BMPR1B: variants seen among roughly 807,000 people sequenced by gnomAD.
BMPR1B encodes bone morphogenetic protein receptor type 1B, also known as bone morphogenetic protein receptor type-1B.
A neutral mutation model predicts 59.1 loss-of-function variants in BMPR1B; 12 were observed. The observed-to-expected ratio is 0.20, with a 90% CI of 0.13 to 0.33. The LOEUF (loss-of-function observed/expected upper bound fraction) is 0.33, where lower values mean the gene tolerates loss of function less well. BMPR1B is among the 10% of genes least tolerant of loss of function. The pLI, the probability that BMPR1B is intolerant of heterozygous loss-of-function variation, is 1.00. For missense variants in BMPR1B, 550 were observed against 610.9 expected (o/e 0.90, Z 1.05); for synonymous variants, 237 against 207.3 (o/e 1.14, Z -1.23).
intron 3 of BMPR1B, among the ~76,000 whole-genome samples, chr4:95,056,916 G>A (rs1044285330): frequency 6.6e-6 from 1 of 152,192 alleles, no homozygotes; most frequent in South Asian, 2.1e-4. Flanking sequence ...ATTTGCATAA[G>A]TGCCATTTAG....
At chr4:95,030,675 C>A (rs573628046) in intron 3 of BMPR1B, among the ~76,000 whole-genome samples, 1 of 152,222 alleles carries the variant, frequency 6.6e-6, no homozygotes, top group African/African-American at 2.4e-5. Flanking sequence ...AGCAAAGTCT[C>A]CAGATACAAA....
At chr4:94,795,003 C>T (rs879533797) in intron 1 of BMPR1B, among the ~76,000 whole-genome samples, 3,874 of 142,586 alleles carry the variant, frequency 0.027, no homozygotes, top group Non-Finnish European at 0.042. Flanking sequence ...TAATTGAATA[C>T]CCTTTATTTC....
chr4:94,974,374 TC>T (rs1376622419), intron 2 of BMPR1B, among the ~76,000 whole-genome samples: 1 of 149,778 alleles, frequency 6.7e-6, no homozygotes, highest in African/African-American at 2.5e-5. Context: ...TCATTTTTTT[TC>T]ATGCTGAATC....
chr4:94,836,743 A>G lies in BMPR1B; in HGVS notation c.-182-39088A>G, dbSNP rs377718270. On this transcript the variant is annotated intron_variant, in intron 1 of 12. Transcript: ENST00000515059. ...CTCTGATGGTAGTTTCTTTTGCTGTACAGAAGCTCTTTATTTTAATTAGAT... is the reference window on the plus strand; with the variant it reads ...CTCTGATGGTAGTTTCTTTTGCTGTGCAGAAGCTCTTTATTTTAATTAGAT... Among the ~76,000 whole-genome samples, 28 of 147,218 alleles carry G rather than the reference A, an allele frequency of 1.9e-4. 2 individuals carry two copies. Among genetic ancestry groups the G allele is most frequent in the Middle Eastern group, 7.0e-3 (2 of 284 alleles).
intron 6 of BMPR1B, among the ~76,000 whole-genome samples, chr4:95,120,717 T>C (rs113314461): frequency 7.5e-5 from 11 of 146,230 alleles, no homozygotes; most frequent in Non-Finnish European, 7.5e-5. Flanking sequence ...CTCTCTCTCT[T>C]TCTCTCTCTC....
intron 2 of BMPR1B, among the ~76,000 whole-genome samples, chr4:94,891,812 A>G (rs928005613): frequency 1.3e-5 from 2 of 152,084 alleles, no homozygotes; most frequent in Non-Finnish European, 2.9e-5. Flanking sequence ...TTCATGCTTT[A>G]CAGAGAAAGA....
At chr4:95,101,342 G>A (rs543438250) in intron 3 of BMPR1B, among the ~76,000 whole-genome samples, 7 of 152,128 alleles carry the variant, frequency 4.6e-5, no homozygotes, top group African/African-American at 1.7e-4. Flanking sequence ...GAAAAGTAAA[G>A]AAGGCATCTC....
chr4:94,811,132 G>C (rs924892281), intron 1 of BMPR1B, among the ~76,000 whole-genome samples: 2 of 152,184 alleles, frequency 1.3e-5, no homozygotes, highest in Non-Finnish European at 2.9e-5. Context: ...ATCTCAAAAT[G>C]TGTAGTGCTC....
chr4:94,913,598 T>C (rs1277959984), intron 2 of BMPR1B, among the ~76,000 whole-genome samples: 1 of 152,110 alleles, frequency 6.6e-6, no homozygotes, highest in Non-Finnish European at 1.5e-5. Context: ...GAAGGTGATT[T>C]CTGGTCATTG....
chr4:94,990,050 T>G (rs111504290), intron 2 of BMPR1B, among the ~76,000 whole-genome samples: 262 of 152,310 alleles, frequency 1.7e-3, no homozygotes, highest in African/African-American at 6.1e-3. Context: ...TGGTATTTAC[T>G]CAAGAGTAAC....
At chr4:94,848,060 G>A (rs1725410316) in intron 1 of BMPR1B, among the ~76,000 whole-genome samples, 1 of 151,944 alleles carries the variant, frequency 6.6e-6, no homozygotes, top group Non-Finnish European at 1.5e-5. Context: ...CCTAATATGT[G>A]CCTACAAAAA....
chr4:94,988,799 A>G (rs1721563105), intron 2 of BMPR1B, among the ~76,000 whole-genome samples: 1 of 152,138 alleles, frequency 6.6e-6, no homozygotes, highest in Non-Finnish European at 1.5e-5. Flanking sequence ...AGTTAAAGGT[A>G]AGTGAGTCTG....
chr4:95,010,550 CATTTCAAAGG>C (rs1723147603), intron 3 of BMPR1B, among the ~76,000 whole-genome samples: 1 of 152,114 alleles, frequency 6.6e-6, no homozygotes, highest in Non-Finnish European at 1.5e-5. Context: ...AGTAGTATTG[CATTTCAAAGG>C]AAATGGAGCT....
At chr4:94,895,237 A>G (rs770130906) in intron 2 of BMPR1B, among the ~76,000 whole-genome samples, 7 of 151,986 alleles carry the variant, frequency 4.6e-5, no homozygotes, top group Non-Finnish European at 8.8e-5. Context: ...TGGTGCTTTA[A>G]GACGTGTTTA....
chr4:94,859,586 T>C (rs1725898704), intron 1 of BMPR1B, among the ~76,000 whole-genome samples: 2 of 152,170 alleles, frequency 1.3e-5, no homozygotes, highest in Non-Finnish European at 2.9e-5. Context: ...CTGGAATCCT[T>C]ATATGGTCAA....
chr4:95,144,788 A>G (rs1348999806), intron 10 of BMPR1B, among the ~76,000 whole-genome samples: 1 of 152,212 alleles, frequency 6.6e-6, no homozygotes, highest in Non-Finnish European at 1.5e-5. Context: ...CATGGGAAAG[A>G]AGAAGAGAGA....
chr4:94,878,021 TA>T (rs201117995), intron 2 of BMPR1B, among the ~76,000 whole-genome samples: 2,298 of 152,218 alleles, frequency 0.015, 43 homozygotes, highest in East Asian at 0.083. Flanking sequence ...AATGGTCTTA[TA>T]AAAAAAATTT....
chr4:94,800,825 G>A (rs188835491), intron 1 of BMPR1B, among the ~76,000 whole-genome samples: 125 of 152,240 alleles, frequency 8.2e-4, no homozygotes, highest in South Asian at 1.5e-3. Flanking sequence ...TGTCCTCAAG[G>A]AACTTTTGAT....
chr4:94,899,117 C>T (rs188699006), intron 2 of BMPR1B, among the ~76,000 whole-genome samples: 301 of 151,972 alleles, frequency 2.0e-3, no homozygotes, highest in Non-Finnish European at 3.0e-3. Flanking sequence ...TGGTTTGCAT[C>T]GGTCTAGTCT....
Sources: allele counts gnomAD v4.1 joint callset (sites outside exome capture counted in the v4.1 genomes callset), GRCh38; gene constraint gnomAD v4.1.1; transcripts MANE v1.5; gene names NCBI Gene and HGNC (gene_info 2026-07-23, HGNC 2026-07-21).